Variants in SUPT3H observed in about 807,000 individuals in gnomAD.
The protein encoded by SUPT3H is transcription initiation protein SPT3 homolog.
A neutral mutation model predicts 44.3 loss-of-function variants in SUPT3H; 44 were observed. That is an observed-to-expected ratio of 0.99 (90% confidence interval 0.78 to 1.28). The LOEUF (loss-of-function observed/expected upper bound fraction) is 1.28, where lower values mean the gene tolerates loss of function less well. Among genes scored for constraint, SUPT3H ranks in the 50% most tolerant of loss-of-function variants. The pLI is 0.00. For synonymous variants in SUPT3H, 124 were observed against 125.6 expected (o/e 0.99, Z 0.09); for missense variants, 380 against 387.1 (o/e 0.98, Z 0.15).
At chr6:44,868,370 A>G (rs1272617678) in intron 10 of SUPT3H, among the ~76,000 whole-genome samples, 1 of 152,234 alleles carries the variant, frequency 6.6e-6, no homozygotes, top group African/African-American at 2.4e-5. Flanking sequence ...TCTTGCCCCA[A>G]TAATTATACT....
intron 2 of SUPT3H, among the ~76,000 whole-genome samples, chr6:45,304,965 T>C (rs1782757824): frequency 6.6e-6 from 1 of 152,202 alleles, no homozygotes; most frequent in Non-Finnish European, 1.5e-5. Context: ...AAGAACACCA[T>C]GGCCTGATCT....
At chr6:44,999,669 T>C (rs1562231426) in intron 6 of SUPT3H, among the ~76,000 whole-genome samples, 1 of 152,016 alleles carries the variant, frequency 6.6e-6, no homozygotes, top group Admixed American at 6.6e-5. Flanking sequence ...GTCTTTTTTT[T>C]CCCTTGAATT....
rs573101662 is a variant in SUPT3H, at chr6:45,078,024, C to T, written c.186+27898G>A. On this transcript the variant is annotated intron_variant, in intron 3 of 10. Coordinates refer to ENST00000371459, the MANE Select transcript of SUPT3H (RefSeq NM_003599.4). ...TAAAACATAAGAAAGACAGGACTGT[C>T]AGTACACCTGGCTAATTTCAGTATT... 2.0e-5 allele frequency among the ~76,000 whole-genome samples: 3 copies of T among 152,196 alleles called. No individual in the cohort carries two copies. The East Asian group carries it at 5.8e-4, about 29-fold the overall frequency.
At position 44,886,397 on chromosome 6, in the gene SUPT3H, C is replaced by A. The variant is rs1762299630; in HGVS notation, c.912+46256G>T. 2.0e-5 allele frequency among the ~76,000 whole-genome samples: 3 copies of A among 152,152 alleles called. No homozygotes were observed. In the South Asian group the frequency reaches 6.2e-4, roughly 32 times the overall value. On this transcript the variant is annotated intron_variant, in intron 10 of 10. Transcript: ENST00000371459. Reference sequence around the variant, plus strand: ...GTCGGGTTACCCACAAAGGGAAGCCCATCAGACTGACAGCTGATCTCTCGC... The same window carrying A: ...GTCGGGTTACCCACAAAGGGAAGCCAATCAGACTGACAGCTGATCTCTCGC...
intron 3 of SUPT3H, among the ~76,000 whole-genome samples, chr6:45,041,963 C>T (rs1034875585): frequency 3.3e-5 from 5 of 152,102 alleles, no homozygotes; most frequent in African/African-American, 1.2e-4. Flanking sequence ...CAAAGTGAAG[C>T]ATAAGTGTGC....
At chr6:45,235,768 CT>C (rs1768984036) in intron 2 of SUPT3H, among the ~76,000 whole-genome samples, 1 of 152,192 alleles carries the variant, frequency 6.6e-6, no homozygotes, top group African/African-American at 2.4e-5. Context: ...ATAAGCTGAC[CT>C]CAAAACCGGC....
At chr6:44,939,397 A>G (rs1293543631) in intron 9 of SUPT3H, among the ~76,000 whole-genome samples, 3 of 152,072 alleles carry the variant, frequency 2.0e-5, no homozygotes, top group Non-Finnish European at 2.9e-5. Flanking sequence ...GCATCCTTGT[A>G]TCCCTGGTAT....
At chr6:44,832,702 T>G (rs957413790) in intron 10 of SUPT3H, among the ~76,000 whole-genome samples, 1 of 152,148 alleles carries the variant, frequency 6.6e-6, no homozygotes. Flanking sequence ...CCCATTTTTT[T>G]TAATTGAGGA....
intron 2 of SUPT3H, among the ~76,000 whole-genome samples, chr6:45,160,234 T>C (rs1281029430): frequency 6.6e-6 from 1 of 152,152 alleles, no homozygotes; most frequent in African/African-American, 2.4e-5. Flanking sequence ...TTTTGAAAAA[T>C]TGTTAATATG....
At chr6:44,928,893 AAAAAAAAAAAAG>A (rs1371532768) in intron 10 of SUPT3H, among the ~76,000 whole-genome samples, 3 of 135,740 alleles carry the variant, frequency 2.2e-5, no homozygotes, top group South Asian at 5.0e-4. Context: ...AAAAAAAAAA[AAAAAAAAAAAAG>A]AAAAGAAAAG....
At chr6:45,185,307 A>G (rs556855537) in intron 2 of SUPT3H, among the ~76,000 whole-genome samples, 3 of 152,112 alleles carry the variant, frequency 2.0e-5, no homozygotes, top group Non-Finnish European at 4.4e-5. Context: ...GAACAAAGAG[A>G]CTGTACAAGT....
At chr6:45,131,950 T>C (rs1039807176) in intron 2 of SUPT3H, among the ~76,000 whole-genome samples, 2 of 152,200 alleles carry the variant, frequency 1.3e-5, no homozygotes, top group African/African-American at 2.4e-5. Context: ...ATCCTAAACA[T>C]ACATTGTTTT....
chr6:44,982,856 C>G (rs114964699), intron 6 of SUPT3H, among the ~76,000 whole-genome samples: 2 of 152,154 alleles, frequency 1.3e-5, no homozygotes, highest in Non-Finnish European at 2.9e-5. Flanking sequence ...AGGAAAAACA[C>G]CACTACTCTG....
chr6:44,931,430 T>C (rs988391193), intron 10 of SUPT3H, among the ~76,000 whole-genome samples: 4 of 152,138 alleles, frequency 2.6e-5, no homozygotes, highest in Admixed American at 6.5e-5. Flanking sequence ...ATCTCTTATT[T>C]TTCTCATTCA....
intron 2 of SUPT3H, among the ~76,000 whole-genome samples, chr6:45,158,551 G>T (rs1402042426): frequency 6.6e-6 from 1 of 151,634 alleles, no homozygotes; most frequent in East Asian, 1.9e-4. Context: ...ACTCTACACA[G>T]GATAACACTC....
intron 2 of SUPT3H, among the ~76,000 whole-genome samples, chr6:45,124,213 T>C (rs1462786260): frequency 6.6e-6 from 1 of 152,166 alleles, no homozygotes; most frequent in East Asian, 1.9e-4. Flanking sequence ...TGATAACTCA[T>C]TTACTGTAGC....
intron 2 of SUPT3H, among the ~76,000 whole-genome samples, chr6:45,340,452 T>G (rs1789531481): frequency 6.6e-6 from 1 of 151,974 alleles, no homozygotes; most frequent in South Asian, 2.1e-4. Context: ...GCATCCCAGG[T>G]AGCTTGGACT....
chr6:44,959,064 A>AT (rs1159293446), intron 7 of SUPT3H, among the ~76,000 whole-genome samples: 1 of 151,686 alleles, frequency 6.6e-6, no homozygotes, highest in East Asian at 1.9e-4. Flanking sequence ...GTTTGTTTGT[A>AT]TTTTTAGTAG....
intron 2 of SUPT3H, among the ~76,000 whole-genome samples, chr6:45,158,267 TAAATATAC>T (rs1484003717): frequency 1.9e-4 from 22 of 113,958 alleles, no homozygotes; most frequent in African/African-American, 7.2e-4. Flanking sequence ...TTTATATATA[TAAATATAC>T]ATATATATAT....
Sources: gnomAD v4.1 joint callset for allele counts (sites outside exome capture counted in the v4.1 genomes callset) on GRCh38, gnomAD v4.1.1 for gene constraint, MANE v1.5 for transcripts, NCBI Gene and HGNC (gene_info 2026-07-23, HGNC 2026-07-21) for gene names.